The following SNTB1 variants were observed in gnomAD, a reference collection of about 807,000 sequenced individuals.
SNTB1 encodes the protein syntrophin beta 1, also known as beta-1-syntrophin.
A neutral mutation model predicts 48.9 loss-of-function variants in SNTB1; 36 were observed. The observed-to-expected ratio is 0.74, with a 90% CI of 0.56 to 0.97. SNTB1 has a LOEUF of 0.97. Ranked by LOEUF, SNTB1 falls within the 50% of genes least tolerant of loss-of-function variation. SNTB1 has a pLI of 0.00. For synonymous variants in SNTB1, 299 were observed against 294.6 expected (o/e 1.01, Z -0.15); for missense variants, 786 against 703.4 (o/e 1.12, Z -1.33).
Position 120,782,877 on chromosome 8 carries a change from A to T in SNTB1, c.571+28396T>A, listed in dbSNP as rs1031438027. On this transcript the variant is annotated intron_variant, in intron 1 of 6. Coordinates refer to ENST00000517992, the MANE Select transcript of SNTB1 (RefSeq NM_021021.4). ...CATGATATTTACCTTTTGCTTTTTC[A>T]CTCAGAAAGAAAAACAAGGAAAACA... Among the ~76,000 whole-genome samples the T allele has an allele frequency of 3.3e-5, 5 of 152,176 alleles. No homozygotes were observed. The East Asian group carries it at 9.6e-4, about 29-fold the overall frequency.
At chr8:120,719,425 C>T (rs531243711) in intron 1 of SNTB1, among the ~76,000 whole-genome samples, 1 of 152,146 alleles carries the variant, frequency 6.6e-6, no homozygotes, top group South Asian at 2.1e-4. Context: ...TGTTGTGGGA[C>T]CTTGTGATTG....
intron 2 of SNTB1, among the ~76,000 whole-genome samples, chr8:120,690,263 T>C (rs1818102531): frequency 6.6e-6 from 1 of 152,180 alleles, no homozygotes; most frequent in African/African-American, 2.4e-5. Context: ...GAGTCAGTAC[T>C]ATCCATGGTT....
chr8:120,624,549 C>A (rs1207600930), intron 3 of SNTB1, among the ~76,000 whole-genome samples: 1 of 152,210 alleles, frequency 6.6e-6, no homozygotes, highest in Non-Finnish European at 1.5e-5. Context: ...GCACTGTAGA[C>A]TAAGTTTCTA....
chr8:120,727,841 G>C (rs1352032415), intron 1 of SNTB1, among the ~76,000 whole-genome samples: 1 of 152,048 alleles, frequency 6.6e-6, no homozygotes, highest in Non-Finnish European at 1.5e-5. Context: ...TGGTCTTTTT[G>C]CTATACCATA....
At chr8:120,782,432 G>A (rs1261469562) in intron 1 of SNTB1, among the ~76,000 whole-genome samples, 1 of 151,906 alleles carries the variant, frequency 6.6e-6, no homozygotes, top group African/African-American at 2.4e-5. Flanking sequence ...TTTAAAAAAA[G>A]TTTTTTAAAA....
At chr8:120,807,428 G>A (rs548030773) in intron 1 of SNTB1, among the ~76,000 whole-genome samples, 1 of 152,306 alleles carries the variant, frequency 6.6e-6, no homozygotes, top group African/African-American at 2.4e-5. Context: ...GGCTGGATGC[G>A]CAGTCCCTGC....
chr8:120,679,073 C>T (rs1223280647), intron 2 of SNTB1, among the ~76,000 whole-genome samples: 1 of 152,178 alleles, frequency 6.6e-6, no homozygotes, highest in African/African-American at 2.4e-5. Context: ...TAAGAGCTTC[C>T]CACTGGGTGC....
At chr8:120,547,592 C>CAAAAAAA (rs11289979) in intron 5 of SNTB1, among the ~76,000 whole-genome samples, 1 of 89,070 alleles carries the variant, frequency 1.1e-5, no homozygotes, top group African/African-American at 4.9e-5. Flanking sequence ...AACACTGTCT[C>CAAAAAAA]AAAAAAAAAA....
At position 120,709,847 on chromosome 8, in the gene SNTB1, T is replaced by C. The variant is rs970366291; in HGVS notation, c.572-15939A>G. On this transcript the variant is annotated intron_variant, in intron 1 of 6. Transcript: ENST00000517992. ...TTTCTTCTCTTGAAAAAGAAGAAAA[T>C]AATACTAAAAGCATGGGGTTGTTGT... is the stretch of plus-strand genomic sequence containing the variant. 2.5e-4 allele frequency among the ~76,000 whole-genome samples: 38 copies of C among 151,752 alleles called. 1 individual carries two copies. Among genetic ancestry groups the C allele is most frequent in the Admixed American group, 2.5e-3 (38 of 15,216 alleles).
chr8:120,617,924 G>T (rs1816740519), intron 3 of SNTB1, among the ~76,000 whole-genome samples: 1 of 152,200 alleles, frequency 6.6e-6, no homozygotes. Context: ...AGCAGCAAAC[G>T]AGTGAAGGTA....
chr8:120,741,460 T>A (rs1240134024), intron 1 of SNTB1, among the ~76,000 whole-genome samples: 1 of 152,096 alleles, frequency 6.6e-6, no homozygotes, highest in Admixed American at 6.5e-5. Context: ...AATACAAAAA[T>A]TAGCTGGGTC....
At chr8:120,635,864 A>ATT (rs1357631120) in intron 2 of SNTB1, 2 of 357,678 alleles carry the variant, frequency 5.6e-6, no homozygotes. Context: ...AAATAGTTGT[A>ATT]GTCAAGCTGG....
chr8:120,539,846 T>G (rs1299139489), intron 6 of SNTB1, among the ~76,000 whole-genome samples: 3 of 152,218 alleles, frequency 2.0e-5, no homozygotes, highest in Non-Finnish European at 4.4e-5. Flanking sequence ...CACTATCTTA[T>G]TTAATTCTCT....
intron 3 of SNTB1, among the ~76,000 whole-genome samples, chr8:120,586,882 T>C (rs1816152450): frequency 6.6e-6 from 1 of 152,214 alleles, no homozygotes; most frequent in Non-Finnish European, 1.5e-5. Flanking sequence ...TTGTTGAAAC[T>C]GGAGGTTCAT....
chr8:120,657,292 A>C (rs1333178151), intron 2 of SNTB1, among the ~76,000 whole-genome samples: 1 of 152,146 alleles, frequency 6.6e-6, no homozygotes, highest in African/African-American at 2.4e-5. Context: ...TCTCCCTTTC[A>C]GAAGAGCTAG....
intron 2 of SNTB1, among the ~76,000 whole-genome samples, chr8:120,669,526 C>T (rs569660074): frequency 0.034 from 1,275 of 37,854 alleles, 350 homozygotes; most frequent in African/African-American, 0.091. Flanking sequence ...AATCTCGGCT[C>T]ACTGCAAGCT....
intron 3 of SNTB1, among the ~76,000 whole-genome samples, chr8:120,590,669 TGTTTTCTTTTCTTTTC>T (rs1439834592): frequency 0.015 from 2,286 of 147,512 alleles, 65 homozygotes; most frequent in African/African-American, 0.056. Context: ...TTCTTTCTTT[TGTTTTCTTTTCTTTTC>T]TTTTTTTTTT....
chr8:120,660,652 T>C (rs542124628), intron 2 of SNTB1, among the ~76,000 whole-genome samples: 3 of 152,366 alleles, frequency 2.0e-5, no homozygotes, highest in African/African-American at 7.2e-5. Context: ...CTTCAAAAAC[T>C]TTCCCTTTGC....
chr8:120,779,359 T>A (rs1444238378), intron 1 of SNTB1, among the ~76,000 whole-genome samples: 3 of 152,072 alleles, frequency 2.0e-5, no homozygotes, highest in Non-Finnish European at 4.4e-5. Flanking sequence ...AAAAATTAGC[T>A]GAGCGTGGTG....
Sources: allele counts gnomAD v4.1 joint callset (sites outside exome capture counted in the v4.1 genomes callset), GRCh38; gene constraint gnomAD v4.1.1; transcripts MANE v1.5; gene names NCBI Gene and HGNC (gene_info 2026-07-23, HGNC 2026-07-21).